CYTL1: variants seen among roughly 807,000 people sequenced by gnomAD.
CYTL1 encodes the protein cytokine-like protein 1.
Under a neutral mutation model 13.1 loss-of-function variants are expected in CYTL1, and 17 were observed. The ratio of observed to expected loss-of-function variants is 1.29; its 90% CI spans 0.89 to 1.94. CYTL1 has a LOEUF of 1.94. Among genes scored for constraint, CYTL1 ranks in the 30% most tolerant of loss-of-function variants. The pLI is 0.00. For synonymous variants in CYTL1, 91 were observed against 79.4 expected (o/e 1.15, Z -0.78); for missense variants, 213 against 174.8 (o/e 1.22, Z -1.23).
At chr4:5,019,211 C>T in intron 1 of CYTL1, 82 bp downstream of exon 1, 2 of 1,201,254 alleles carry the variant, frequency 1.7e-6, no homozygotes, top group Non-Finnish European at 2.2e-6. Context: ...CTCTCTCTCT[C>T]TCTTTTTTTT....
intron 1 of CYTL1, among the ~76,000 whole-genome samples, chr4:5,017,711 A>G (rs749265412): frequency 1.3e-5 from 2 of 151,870 alleles, no homozygotes; most frequent in African/African-American, 2.4e-5. Context: ...ATATACTTAC[A>G]TAAGTACGAT....
intron 1 of CYTL1, 127 bp from the exon 2 acceptor site, chr4:5,017,306 T>C (rs758836528): frequency 6.2e-5 from 47 of 760,128 alleles, no homozygotes; most frequent in Non-Finnish European, 9.8e-5. Flanking sequence ...TGCTACGACA[T>C]GCACAGTACT....
Position 5,018,039 on chromosome 4 carries a change from C to G in CYTL1, c.154-860G>C, listed in dbSNP as rs529641199. Among the ~76,000 whole-genome samples, 3 of 152,230 alleles carry G rather than the reference C, an allele frequency of 2.0e-5. No individual in the cohort carries two copies. The South Asian group carries it at 6.2e-4, about 32-fold the overall frequency. ...TTTTTAAACCTTTTAAAATCAGATT[C>G]CTTTAAAAGATGATTGCTGTCTATA... On this transcript the variant is annotated intron_variant, in intron 1 of 3. Coordinates refer to ENST00000307746, the MANE Select transcript of CYTL1 (RefSeq NM_018659.3).
Position 5,017,194 on chromosome 4 carries a change from A to G in CYTL1, c.154-15T>C. ...ACACATGGCTCCTGTGGAAAGGGAT[A>G]AGGGGTTCTGGGATGCCCACAGGGG... is the stretch of plus-strand genomic sequence containing the variant. On this transcript the variant is annotated splice_polypyrimidine_tract_variant and intron_variant, in intron 1 of 3. Coordinates refer to ENST00000307746, the MANE Select transcript of CYTL1 (RefSeq NM_018659.3). 6.2e-7 allele frequency: 1 copy of G among 1,613,430 alleles called. No individual in the cohort carries two copies. Among genetic ancestry groups the G allele is most frequent in the Non-Finnish European group, 8.5e-7 (1 of 1,179,602 alleles).
At chr4:5,018,569 G>A (rs1205790873) in intron 1 of CYTL1, among the ~76,000 whole-genome samples, 3 of 152,186 alleles carry the variant, frequency 2.0e-5, no homozygotes, top group Non-Finnish European at 4.4e-5. Context: ...TTGTTTCGAC[G>A]GAGAAGCAGG....
intron 3 of CYTL1, 127 bp from the exon 4 acceptor site, chr4:5,015,361 G>A (rs1425689311): frequency 3.0e-6 from 2 of 674,308 alleles, no homozygotes; most frequent in Non-Finnish European, 5.2e-6. Flanking sequence ...AACTTCCCAT[G>A]CCTTACTCTC....
chr4:5,016,651 T>C (rs1741078804), intron 3 of CYTL1, among the ~76,000 whole-genome samples, 185 bp downstream of exon 3: 1 of 152,090 alleles, frequency 6.6e-6, no homozygotes, highest in African/African-American at 2.4e-5. Flanking sequence ...AAGGGCCTTG[T>C]CCTGAACCCC....
chr4:5,018,763 G>A (rs1269217221), intron 1 of CYTL1, among the ~76,000 whole-genome samples: 2 of 152,172 alleles, frequency 1.3e-5, no homozygotes, highest in Non-Finnish European at 2.9e-5. Context: ...CCACTCTAAA[G>A]GGAGGGGTGC....
In CYTL1 at chr4:5,018,834, G is replaced by C. The variant is rs191538606; in HGVS notation, c.153+459C>G. On this transcript the variant is annotated intron_variant, in intron 1 of 3. Transcript: ENST00000307746. ...AGGCAGAGGCTGAGAAATTTGCCCG[G>C]GTCCCTCAGCAGATGAGGGGCGGAG... is the stretch of plus-strand genomic sequence containing the variant. 3.4e-3 allele frequency among the ~76,000 whole-genome samples: 522 copies of C among 152,224 alleles called. 1 individual carries two copies. Among genetic ancestry groups the C allele is most frequent in the Non-Finnish European group, 5.1e-3 (344 of 68,016 alleles).
rs568371212 is a variant in CYTL1, at chr4:5,015,737, T to A, written c.328-503A>T. ...TCATACAGGATCAAGAAATTATAAC[T>A]TAATAGCTAATTACTGCAGTTTCCA... On this transcript the variant is annotated intron_variant, in intron 3 of 3. Coordinates refer to ENST00000307746, the MANE Select transcript of CYTL1 (RefSeq NM_018659.3). Among the ~76,000 whole-genome samples the A allele has an allele frequency of 5.9e-5, 9 of 152,318 alleles. No individual in the cohort carries two copies. The South Asian group carries it at 1.9e-3, about 32-fold the overall frequency.
chr4:5,017,037 A>G, intron 2 of CYTL1, 73 bp from the exon 3 acceptor site: 1 of 1,608,958 alleles, frequency 6.2e-7, no homozygotes, highest in Non-Finnish European at 8.5e-7. Flanking sequence ...GAGCTGCATA[A>G]GATCTCTCCC....
chr4:5,016,662 A>G (rs1298444745), intron 3 of CYTL1, among the ~76,000 whole-genome samples, 174 bp downstream of exon 3: 1 of 152,158 alleles, frequency 6.6e-6, no homozygotes, highest in Non-Finnish European at 1.5e-5. Flanking sequence ...CCTGAACCCC[A>G]TCACCCAACA....
chr4:5,017,087 T>C, intron 2 of CYTL1, 48 bp downstream of exon 2: 1 of 1,608,816 alleles, frequency 6.2e-7, no homozygotes, highest in Non-Finnish European at 8.5e-7. Flanking sequence ...GGTTCAGACC[T>C]GAGTCCCTCA....
Position 5,017,117 on chromosome 4 carries a change from C to G in CYTL1, c.198+18G>C, listed in dbSNP as rs765122406. The G allele has an allele frequency of 1.9e-6, 3 of 1,612,836 alleles. No individual in the cohort carries two copies. The highest frequency in any genetic ancestry group is 2.7e-5 in the African/African-American group (2 of 74,920). Reference sequence around the variant, plus strand: ...CCCTCAGCCCAAGACCTCCCTCCCCCAGGGAGAACCCTCTTACGTGTATGT... The same window carrying G: ...CCCTCAGCCCAAGACCTCCCTCCCCGAGGGAGAACCCTCTTACGTGTATGT... On this transcript the variant is annotated intron_variant, in intron 2 of 3. Transcript: ENST00000307746.
intron 1 of CYTL1, 54 bp downstream of exon 1, chr4:5,019,239 G>T (rs1379265254): frequency 5.2e-6 from 7 of 1,357,576 alleles, no homozygotes; most frequent in Admixed American, 6.1e-5. Context: ...AAAGGCAAGG[G>T]TTTAAGAACT....
intron 3 of CYTL1, among the ~76,000 whole-genome samples, chr4:5,016,001 G>A (rs1306193718): frequency 2.0e-5 from 3 of 152,164 alleles, no homozygotes; most frequent in African/African-American, 7.2e-5. Flanking sequence ...TTTATGTGTT[G>A]GAAACTTAAT....
intron 3 of CYTL1, among the ~76,000 whole-genome samples, chr4:5,016,131 G>A (rs562573074): frequency 6.6e-6 from 1 of 152,296 alleles, no homozygotes; most frequent in Non-Finnish European, 1.5e-5. Flanking sequence ...TATTGCAGGG[G>A]TGGCTTTGTT....
chr4:5,018,919 A>C (rs932285465), intron 1 of CYTL1, among the ~76,000 whole-genome samples: 1 of 151,014 alleles, frequency 6.6e-6, no homozygotes, highest in Non-Finnish European at 1.5e-5. Context: ...AAAGCAATAC[A>C]CAAGCTTCAT....
rs1233732544 is a variant in CYTL1 at position 5,014,799 on chromosome 4, C to G, written c.*352G>C. 3 of 240,828 alleles carry G rather than the reference C, an allele frequency of 1.2e-5. No individual in the cohort carries two copies. The highest frequency in any genetic ancestry group is 4.7e-5 in the African/African-American group (2 of 43,010). The allele number at this position is 240,828 out of a possible 1,614,324, so 14.9% of individuals were successfully genotyped here. A position where few individuals can be genotyped will look rare whatever the true frequency, so the allele number is the denominator to read the frequency against. ...AGAAAGAATAAAAGTACCATTACTC[C>G]ATTAAACCAGTAATAAAAACATACT... On this transcript the variant is annotated 3_prime_UTR_variant, in exon 4 of 4. Coordinates refer to ENST00000307746, the MANE Select transcript of CYTL1 (RefSeq NM_018659.3).
Sources: gnomAD v4.1 joint callset for allele counts (sites outside exome capture counted in the v4.1 genomes callset) on GRCh38, gnomAD v4.1.1 for gene constraint, MANE v1.5 for transcripts, NCBI Gene and HGNC (gene_info 2026-07-23, HGNC 2026-07-21) for gene names.